PDE1A: variants seen among roughly 807,000 people sequenced by gnomAD.
PDE1A encodes the protein phosphodiesterase 1A.
Under a neutral mutation model 61.7 loss-of-function variants are expected in PDE1A, and 35 were observed. That is an observed-to-expected ratio of 0.57 (90% CI 0.43 to 0.75). The LOEUF (loss-of-function observed/expected upper bound fraction) is 0.75. Among genes scored for constraint, PDE1A ranks in the 30% least tolerant of loss-of-function variants. PDE1A has a pLI of 0.00. For synonymous variants in PDE1A, 232 were observed against 213.2 expected (o/e 1.09, Z -0.77); for missense variants, 597 against 630.6 (o/e 0.95, Z 0.57).
intron 1 of PDE1A, among the ~76,000 whole-genome samples, chr2:182,283,120 A>T (rs1693921266): frequency 6.6e-6 from 1 of 152,086 alleles, no homozygotes; most frequent in Non-Finnish European, 1.5e-5. Flanking sequence ...ATCTTAAAGT[A>T]TAAACTGTCA....
intron 13 of PDE1A, among the ~76,000 whole-genome samples, chr2:182,183,216 G>A (rs550055903): frequency 5.9e-5 from 9 of 152,238 alleles, no homozygotes; most frequent in African/African-American, 2.2e-4. Flanking sequence ...TAAAGAAGTC[G>A]AGTTTTTTCT....
At chr2:182,637,025 G>GA in the PDE1A span, among the ~76,000 whole-genome samples, 2 of 152,230 alleles carry the variant, frequency 1.3e-5, no homozygotes, top group African/African-American at 4.8e-5. Context: ...AACTCCGCCT[G>GA]AAAAAACAAT....
chr2:182,675,749 T>C, the PDE1A span, among the ~76,000 whole-genome samples: 7 of 152,230 alleles, frequency 4.6e-5, no homozygotes, highest in Non-Finnish European at 7.3e-5. Flanking sequence ...ATCACATGCA[T>C]GTCTTCTTCT....
the PDE1A span, among the ~76,000 whole-genome samples, chr2:182,562,538 C>G: frequency 6.6e-6 from 1 of 151,446 alleles, no homozygotes; most frequent in African/African-American, 2.4e-5. Context: ...TGTCTCTGCC[C>G]GGCTTTGGTA....
At chr2:182,147,849 G>A (rs1690576534) in intron 13 of PDE1A, among the ~76,000 whole-genome samples, 1 of 152,184 alleles carries the variant, frequency 6.6e-6, no homozygotes, top group Non-Finnish European at 1.5e-5. Flanking sequence ...CATATACAAT[G>A]AAAGTTTCTT....
intron 7 of PDE1A, among the ~76,000 whole-genome samples, chr2:182,217,781 G>C (rs2125577134): frequency 6.7e-6 from 1 of 149,450 alleles, no homozygotes; most frequent in East Asian, 2.0e-4. Flanking sequence ...AGGTGCTGGA[G>C]AGGATGTGGA....
intron 3 of PDE1A, among the ~76,000 whole-genome samples, chr2:182,234,915 T>A (rs1410344833): frequency 1.3e-5 from 2 of 152,216 alleles, no homozygotes; most frequent in African/African-American, 4.8e-5. Context: ...ATTTCCTTTA[T>A]ATTTTTATAT....
At chr2:182,390,561 C>T (rs950297037) in intron 1 of PDE1A, among the ~76,000 whole-genome samples, 1 of 152,168 alleles carries the variant, frequency 6.6e-6, no homozygotes, top group Non-Finnish European at 1.5e-5. Flanking sequence ...GAAGCATATA[C>T]TGAGCCTCAA....
At chr2:182,318,675 T>C (rs1696504704) in intron 1 of PDE1A, among the ~76,000 whole-genome samples, 1 of 152,120 alleles carries the variant, frequency 6.6e-6, no homozygotes, top group Non-Finnish European at 1.5e-5. Context: ...TGCTGCCAAA[T>C]GCTCACTTCA....
At chr2:182,211,058 C>A (rs1687550773) in intron 7 of PDE1A, among the ~76,000 whole-genome samples, 1 of 152,166 alleles carries the variant, frequency 6.6e-6, no homozygotes, top group African/African-American at 2.4e-5. Flanking sequence ...CCCTCTCTGG[C>A]AAGCCCCATT....
chr2:182,466,730 G>A (rs1481392512), intron 2 of PDE1A, among the ~76,000 whole-genome samples: 1 of 151,994 alleles, frequency 6.6e-6, no homozygotes, highest in Admixed American at 6.6e-5. Context: ...AGGAGTGGGG[G>A]CTCTTGACTG....
At chr2:182,570,233 G>C in the PDE1A span, among the ~76,000 whole-genome samples, 2 of 152,104 alleles carry the variant, frequency 1.3e-5, no homozygotes, top group Non-Finnish European at 2.9e-5. Context: ...AAAGAGAAGG[G>C]AAGTAGAGAG....
intron 10 of PDE1A, among the ~76,000 whole-genome samples, chr2:182,191,302 G>A (rs980169146): frequency 6.6e-6 from 1 of 152,064 alleles, no homozygotes; most frequent in Non-Finnish European, 1.5e-5. Context: ...GATCTGGGTG[G>A]GGGAAAGATT....
chr2:182,609,717 A>G, the PDE1A span, among the ~76,000 whole-genome samples: 1 of 152,262 alleles, frequency 6.6e-6, no homozygotes, highest in African/African-American at 2.4e-5. Flanking sequence ...TCATTCTTGA[A>G]GTCAGTGAGA....
At chr2:182,333,437 C>T (rs1352173101) in intron 1 of PDE1A, among the ~76,000 whole-genome samples, 2 of 152,072 alleles carry the variant, frequency 1.3e-5, no homozygotes, top group South Asian at 2.1e-4. Context: ...CACCCAAAAC[C>T]GCACAATTAC....
At chr2:182,334,267 G>GAAAC (rs1553588870) in intron 1 of PDE1A, among the ~76,000 whole-genome samples, 32 of 145,810 alleles carry the variant, frequency 2.2e-4, no homozygotes, top group African/African-American at 7.8e-4. Flanking sequence ...CCCTGGAAGA[G>GAAAC]ACACACACAC....
At chr2:182,697,256 T>C in the PDE1A span, among the ~76,000 whole-genome samples, 34 of 152,296 alleles carry the variant, frequency 2.2e-4, no homozygotes, top group African/African-American at 8.2e-4. Flanking sequence ...GACCTTGGGG[T>C]CTCACACACC....
upstream of PDE1A, among the ~76,000 whole-genome samples, chr2:182,429,454 GT>G (rs1277735250): frequency 6.6e-6 from 1 of 151,952 alleles, no homozygotes; most frequent in East Asian, 1.9e-4. Flanking sequence ...ATTATGAATA[GT>G]TTTTTTCCTG....
At chr2:182,365,021 T>C (rs998681030) in intron 1 of PDE1A, among the ~76,000 whole-genome samples, 22 of 152,036 alleles carry the variant, frequency 1.4e-4, no homozygotes, top group African/African-American at 5.3e-4. Context: ...GGACTGCTAG[T>C]TTTTCCATTG....
Sources: gnomAD v4.1 joint callset for allele counts (sites outside exome capture counted in the v4.1 genomes callset) on GRCh38, gnomAD v4.1.1 for gene constraint, MANE v1.5 for transcripts, NCBI Gene and HGNC (gene_info 2026-07-23, HGNC 2026-07-21) for gene names.